The following PITX1 variants were observed in gnomAD, a reference collection of about 807,000 sequenced individuals.
PITX1 encodes the protein pituitary homeobox 1.
PITX1 carries 5 observed loss-of-function variants against 24.1 expected under a neutral mutation model. That is an observed-to-expected ratio of 0.21 (90% CI 0.11 to 0.44). The LOEUF is 0.44. PITX1 is among the 20% of genes least tolerant of loss of function. The pLI is 0.99. For missense variants in PITX1, 401 were observed against 455.4 expected, an observed-to-expected ratio of 0.88 and a Z score of 1.09; for synonymous variants, 213 against 208.9, an observed-to-expected ratio of 1.02 and a Z score of -0.17.
At chr5:135,031,197 C>G (rs988302801) in intron 2 of PITX1, 79 bp downstream of exon 2, 1 of 1,077,966 alleles carries the variant, frequency 9.3e-7, no homozygotes, top group Admixed American at 1.8e-5. Flanking sequence ...GCTTGTGGGT[C>G]TAAGCTTTGG....
At position 135,032,520 on chromosome 5, in the gene PITX1, G is replaced by A. The variant is rs560821400; in HGVS notation, c.170-1012C>T. ...TGTAAATGGATTTTGAGAAAATTCC[G>A]GAGAAACGCGCCATTTTGGATTGAC... On this transcript the variant is annotated intron_variant, in intron 1 of 2. Transcript: ENST00000265340. Among the ~76,000 whole-genome samples the A allele has an allele frequency of 3.3e-5, 5 of 152,238 alleles. No individual in the cohort carries two copies. In the East Asian group the frequency reaches 9.6e-4, roughly 29 times the overall value.
At position 135,029,332 on chromosome 5, in the gene PITX1, G is replaced by A. The variant is rs779263896; in HGVS notation, c.403-11C>T. On this transcript the variant is annotated splice_polypyrimidine_tract_variant and intron_variant, in intron 2 of 2. Coordinates refer to ENST00000265340, the MANE Select transcript of PITX1 (RefSeq NM_002653.5). Reference sequence around the variant, plus strand: ...GTTCTTGAACCAGACCTGGGGGAGGGGACGGGAGAAGGGTCAGGGCCGCTG... The same window carrying A: ...GTTCTTGAACCAGACCTGGGGGAGGAGACGGGAGAAGGGTCAGGGCCGCTG... The A allele has an allele frequency of 5.8e-5, 92 of 1,581,920 alleles. No homozygotes were observed. Among genetic ancestry groups the A allele is most frequent in the Admixed American group, 4.5e-4 (26 of 57,782 alleles).
chr5:135,029,439 C>T, intron 2 of PITX1, 118 bp from the exon 3 acceptor site: 2 of 771,304 alleles, frequency 2.6e-6, no homozygotes, highest in South Asian at 1.8e-5. Flanking sequence ...CGTTTCTCTC[C>T]TTCGACCGAT....
chr5:135,030,609 C>T (rs1752430725), intron 2 of PITX1, among the ~76,000 whole-genome samples: 1 of 152,178 alleles, frequency 6.6e-6, no homozygotes, highest in Non-Finnish European at 1.5e-5. Flanking sequence ...GCAGGCTGGT[C>T]TTGGGTCTGA....
chr5:135,028,721 G>T lies in PITX1; in HGVS notation c.*58C>A. 1 of 449,088 alleles carries T rather than the reference G, an allele frequency of 2.2e-6. No individual in the cohort carries two copies. Among genetic ancestry groups the T allele is most frequent in the Non-Finnish European group, 2.6e-6 (1 of 379,984 alleles). 27.8% of individuals were successfully genotyped at this position (449,088 alleles called of 1,614,324 possible). ...CCGGGGCCCCGCGTGCGTCCTCCGC[G>T]CCCGCGCCCGCGCCCTTCCCCGCTC... is the stretch of plus-strand genomic sequence containing the variant. On this transcript the variant is annotated 3_prime_UTR_variant, in exon 3 of 3. Coordinates refer to ENST00000265340, the MANE Select transcript of PITX1 (RefSeq NM_002653.5).
At position 135,033,056 on chromosome 5, in the gene PITX1, C is replaced by T; in HGVS notation, c.169+657G>A. On this transcript the variant is annotated intron_variant, in intron 1 of 2. Transcript: ENST00000265340. The surrounding 1 kb of genome is among the most constrained non-coding windows in gnomAD (Gnocchi z 5.9). ...CAAAAAAAGGCAGCGCGGAGGGAGA[C>T]GCGCAGGAGCCGGGGCGGGGGCCAG... The T allele has an allele frequency of 2.2e-6, 1 of 445,202 alleles. No homozygotes were observed. The highest frequency in any genetic ancestry group is 4.5e-6 in the Non-Finnish European group (1 of 221,966). The allele number at this position is 445,202 out of a possible 1,614,324, so 27.6% of individuals were successfully genotyped here.
At chr5:135,031,540 T>C in intron 1 of PITX1, 32 bp from the exon 2 acceptor site, 3 of 1,558,206 alleles carry the variant, frequency 1.9e-6, no homozygotes, top group Non-Finnish European at 2.6e-6. Flanking sequence ...GCGGGTCACC[T>C]GGGCTTACGC....
At chr5:135,031,688 C>CTCTA in intron 1 of PITX1, 180 bp from the exon 2 acceptor site, 1 of 608,992 alleles carries the variant, frequency 1.6e-6, no homozygotes, top group Non-Finnish European at 2.9e-6. Flanking sequence ...CAGTAGGCAC[C>CTCTA]TCTAGTCTGG....
In PITX1 at chr5:135,028,708, GT is replaced by G; in HGVS notation, c.*70del. The G allele has an allele frequency of 8.6e-7, 1 of 1,160,086 alleles. No individual in the cohort carries two copies. The highest frequency in any genetic ancestry group is 4.5e-5 in the Admixed American group (1 of 22,082). The allele number at this position is 1,160,086 out of a possible 1,614,324, so 71.9% of individuals were successfully genotyped here. A position where few individuals can be genotyped will look rare whatever the true frequency, so the allele number is the denominator to read the frequency against. On this transcript the variant is annotated 3_prime_UTR_variant, in exon 3 of 3. Coordinates refer to ENST00000265340, the MANE Select transcript of PITX1 (RefSeq NM_002653.5). Reference sequence around the variant, plus strand: ...TGGGGCTTGCGAGCCGGGGCCCCGCGTGCGTCCTCCGCGCCCGCGCCCGCGC... The same window carrying G: ...TGGGGCTTGCGAGCCGGGGCCCCGCGGCGTCCTCCGCGCCCGCGCCCGCGC...
chr5:135,034,157 C>A lies in PITX1; in HGVS notation c.-276G>T, dbSNP rs1229169281. 1 of 50,472 alleles carries A rather than the reference C, an allele frequency of 2.0e-5. No homozygotes were observed. The highest frequency in any genetic ancestry group is 2.5e-4 in the African/African-American group (1 of 3,994). 3.1% of individuals were successfully genotyped at this position (50,472 alleles called of 1,614,324 possible). A position where few individuals can be genotyped will look rare whatever the true frequency, so the allele number is the denominator to read the frequency against. ...CTCAGCAGCCCGGCCGGCCCCGGCT[C>A]CGGCTCCGGCTCCGGCTCGCGATCC... On this transcript the variant is annotated 5_prime_UTR_variant, in exon 1 of 3. Coordinates refer to ENST00000265340, the MANE Select transcript of PITX1 (RefSeq NM_002653.5).
chr5:135,027,911 G>A lies in PITX1; in HGVS notation c.*868C>T, dbSNP rs1210859164. On this transcript the variant is annotated 3_prime_UTR_variant, in exon 3 of 3. Coordinates refer to ENST00000265340, the MANE Select transcript of PITX1 (RefSeq NM_002653.5). ...GCCGCGCCCCTTGCTCTGCCGGCTC[G>A]ACTCTTGCACGGCGGGCGGTGAGGA... is the stretch of plus-strand genomic sequence containing the variant. 6.5e-6 allele frequency: 1 copy of A among 152,708 alleles called. No homozygotes were observed. The highest frequency in any genetic ancestry group is 1.9e-4 in the East Asian group (1 of 5,184). 9.5% of individuals were successfully genotyped at this position (152,708 alleles called of 1,614,324 possible).
chr5:135,029,683 C>T (rs1359474988), intron 2 of PITX1, among the ~76,000 whole-genome samples: 2 of 152,216 alleles, frequency 1.3e-5, no homozygotes, highest in Non-Finnish European at 2.9e-5. Flanking sequence ...TTTATTCTCC[C>T]TCAAATACAA....
At chr5:135,032,582 A>G (rs982162744) in intron 1 of PITX1, among the ~76,000 whole-genome samples, 1 of 151,844 alleles carries the variant, frequency 6.6e-6, no homozygotes, top group South Asian at 2.1e-4. Context: ...TTGCATGTAG[A>G]TATTTTAAAT....
At position 135,033,374 on chromosome 5, in the gene PITX1, C is replaced by T. The variant is rs1752498475; in HGVS notation, c.169+339G>A. The stretch of plus-strand genomic sequence containing the variant: ...CTTCCTTTCTCGGTCTCCTCCTCTC[C>T]CTTCGTCCGAGCCGCTCCTTAGCGC... On this transcript the variant is annotated intron_variant, in intron 1 of 2. Transcript: ENST00000265340. The surrounding 1 kb of genome is among the most constrained non-coding windows in gnomAD (Gnocchi z 5.9). 5.5e-6 allele frequency: 2 copies of T among 363,214 alleles called. No individual in the cohort carries two copies. Among genetic ancestry groups the T allele is most frequent in the Admixed American group, 4.4e-5 (1 of 22,778 alleles). The allele number at this position is 363,214 out of a possible 1,614,324, so 22.5% of individuals were successfully genotyped here.
chr5:135,029,363 C>T, intron 2 of PITX1, 42 bp from the exon 3 acceptor site: 2 of 1,502,888 alleles, frequency 1.3e-6, no homozygotes, highest in East Asian at 2.3e-5. Flanking sequence ...CGCTGCGGGC[C>T]GGGAGGGACC....
At position 135,033,954 on chromosome 5, in the gene PITX1, G is replaced by A; in HGVS notation, c.-73C>T. The A allele has an allele frequency of 2.0e-6, 2 of 1,005,254 alleles. No homozygotes were observed. Among genetic ancestry groups the A allele is most frequent in the African/African-American group, 1.7e-5 (1 of 58,634 alleles). 62.3% of individuals were successfully genotyped at this position (1,005,254 alleles called of 1,614,324 possible). A position where few individuals can be genotyped will look rare whatever the true frequency, so the allele number is the denominator to read the frequency against. On this transcript the variant is annotated 5_prime_UTR_variant, in exon 1 of 3. Transcript: ENST00000265340. The surrounding 1 kb of genome is among the most constrained non-coding windows in gnomAD (Gnocchi z 5.9). Reference sequence around the variant, plus strand: ...CCCCGCCGCCCTGGCTGCGACCTGCGGGGACAAGAGCGCAGCGCCTAAGCG... The same window carrying A: ...CCCCGCCGCCCTGGCTGCGACCTGCAGGGACAAGAGCGCAGCGCCTAAGCG...
In PITX1 at chr5:135,028,520, TC is replaced by T. The variant is rs1752388796; in HGVS notation, c.*258del. 6.1e-6 allele frequency: 1 copy of T among 164,530 alleles called. No individual in the cohort carries two copies. The highest frequency in any genetic ancestry group is 2.0e-4 in the South Asian group (1 of 4,906). 10.2% of individuals were successfully genotyped at this position (164,530 alleles called of 1,614,324 possible). On this transcript the variant is annotated 3_prime_UTR_variant, in exon 3 of 3. Coordinates refer to ENST00000265340, the MANE Select transcript of PITX1 (RefSeq NM_002653.5). ...GAGAAATTGCAACTCATCCATTTTT[TC>T]GCGGCACTTTTCTCCGACGTCTTTT...
At position 135,032,977 on chromosome 5, in the gene PITX1, C is replaced by G. The variant is rs1279866710; in HGVS notation, c.169+736G>C. 1.8e-5 allele frequency: 8 copies of G among 448,026 alleles called. No homozygotes were observed. In the Admixed American group the frequency reaches 1.9e-4, roughly 11 times the overall value. 27.8% of individuals were successfully genotyped at this position (448,026 alleles called of 1,614,324 possible). On this transcript the variant is annotated intron_variant, in intron 1 of 2. Coordinates refer to ENST00000265340, the MANE Select transcript of PITX1 (RefSeq NM_002653.5). ...GCAGCGGATTCGCTGCCCCACTGCC[C>G]GCGCCGGCCACCCGCGGGCCCAGTT...
chr5:135,028,944 G>C lies in PITX1; in HGVS notation c.780C>G (p.Gly260=). 1 of 1,614,038 alleles carries C rather than the reference G, an allele frequency of 6.2e-7. No individual in the cohort carries two copies. The highest frequency in any genetic ancestry group is 8.5e-7 in the Non-Finnish European group (1 of 1,179,976). Residue 260 remains glycine (G), a synonymous_variant, in exon 3 of 3, where the codon GGC becomes GGG. Coordinates refer to ENST00000265340, the MANE Select transcript of PITX1 (RefSeq NM_002653.5). ...AGGCGGGAGTGCCGTACGGGCAAGC[G>C]CCCGGCGACATGGCCGAGTTGAGCG... ...GSSLNSAMSP[G]ACPYGTPASP...
Sources: gnomAD v4.1 joint callset for allele counts (sites outside exome capture counted in the v4.1 genomes callset) on GRCh38, gnomAD v4.1.1 for gene constraint, Gnocchi (gnomAD v3.1) non-coding constraint, MANE v1.5 for transcripts, NCBI Gene and HGNC (gene_info 2026-07-23, HGNC 2026-07-21) for gene names.